The following SPOCK3 variants were observed in gnomAD, a reference collection of about 807,000 sequenced individuals.
SPOCK3 encodes SPARC (osteonectin), cwcv and kazal like domains proteoglycan 3, also known as testican-3.
SPOCK3 carries 30 observed loss-of-function variants against 56.6 expected under a neutral mutation model. The ratio of observed to expected loss-of-function variants is 0.53; its 90% CI spans 0.40 to 0.72. The LOEUF (loss-of-function observed/expected upper bound fraction) is 0.72. Ranked by LOEUF, SPOCK3 falls within the 30% of genes least tolerant of loss-of-function variation. The pLI is 0.00. For missense variants in SPOCK3, 527 were observed against 530.0 expected, an observed-to-expected ratio of 0.99 and a Z score of 0.06; for synonymous variants, 196 against 183.3, an observed-to-expected ratio of 1.07 and a Z score of -0.56.
At chr4:167,173,021 C>T (rs1730646300) in intron 2 of SPOCK3, among the ~76,000 whole-genome samples, 1 of 151,954 alleles carries the variant, frequency 6.6e-6, no homozygotes, top group South Asian at 2.1e-4. Context: ...AGCCATATGC[C>T]AATCAAATGT....
chr4:167,234,267 AACG>A, intron 1 of SPOCK3, 94 bp from the exon 2 acceptor site: 1 of 1,240,992 alleles, frequency 8.1e-7, no homozygotes. Context: ...ATGCATTAGC[AACG>A]ACGAGGGTAG....
intron 6 of SPOCK3, among the ~76,000 whole-genome samples, chr4:166,804,554 C>T (rs1452712418): frequency 6.6e-6 from 1 of 152,104 alleles, no homozygotes; most frequent in Admixed American, 6.6e-5. Flanking sequence ...CTAAAACTTG[C>T]ATTGTGAACA....
chr4:167,059,239 C>T (rs1291630545), intron 3 of SPOCK3, among the ~76,000 whole-genome samples: 3 of 152,058 alleles, frequency 2.0e-5, no homozygotes, highest in East Asian at 1.9e-4. Flanking sequence ...AGAAAATTTT[C>T]GCAACCTGCT....
At chr4:166,970,268 C>G (rs550876071) in intron 4 of SPOCK3, among the ~76,000 whole-genome samples, 14 of 152,050 alleles carry the variant, frequency 9.2e-5, no homozygotes, top group Non-Finnish European at 1.9e-4. Context: ...ATCTTCACAC[C>G]AGGCTGACTT....
rs1371426513 is a variant in SPOCK3 at position 167,234,186 on chromosome 4, A to G, written c.1-13T>C. Reference sequence around the variant, plus strand: ...ACACCTTGAGCATCTGGGAGAGGAGACACAACGGGGGGTGGGGGGGCATGT... The same window carrying G: ...ACACCTTGAGCATCTGGGAGAGGAGGCACAACGGGGGGTGGGGGGGCATGT... On this transcript the variant is annotated splice_polypyrimidine_tract_variant and intron_variant, in intron 1 of 10. Coordinates refer to ENST00000357545, the MANE Select transcript of SPOCK3 (RefSeq NM_001040159.2). 1.4e-6 allele frequency: 2 copies of G among 1,466,844 alleles called. No homozygotes were observed. Among genetic ancestry groups the G allele is most frequent in the Non-Finnish European group, 1.9e-6 (2 of 1,048,128 alleles). The allele number at this position is 1,466,844 out of a possible 1,614,324, so 90.9% of individuals were successfully genotyped here. A position where few individuals can be genotyped will look rare whatever the true frequency, so the allele number is the denominator to read the frequency against.
chr4:166,992,270 A>T (rs890707365), intron 4 of SPOCK3, among the ~76,000 whole-genome samples: 2 of 152,098 alleles, frequency 1.3e-5, no homozygotes, highest in Non-Finnish European at 2.9e-5. Context: ...TTTCCATCAT[A>T]TGGAGTTGTT....
At chr4:167,060,061 T>C (rs1755415162) in intron 3 of SPOCK3, among the ~76,000 whole-genome samples, 1 of 151,322 alleles carries the variant, frequency 6.6e-6, no homozygotes. Context: ...AAATGACGAG[T>C]TAATGGGTGC....
intron 2 of SPOCK3, among the ~76,000 whole-genome samples, chr4:167,205,408 A>C (rs1294201934): frequency 2.0e-5 from 1 of 49,084 alleles, no homozygotes; most frequent in South Asian, 5.0e-4. Flanking sequence ...ATAATATATT[A>C]TATATTAAAT....
chr4:167,202,897 A>AT (rs1733658728), intron 2 of SPOCK3, among the ~76,000 whole-genome samples: 2 of 151,734 alleles, frequency 1.3e-5, no homozygotes, highest in Non-Finnish European at 2.9e-5. Context: ...TTTAATAGTA[A>AT]TTTTTTCTCT....
At chr4:166,795,887 G>T (rs1741884010) in intron 6 of SPOCK3, among the ~76,000 whole-genome samples, 1 of 152,050 alleles carries the variant, frequency 6.6e-6, no homozygotes, top group Admixed American at 6.6e-5. Context: ...TGCTCCCCCA[G>T]ATTCATATGT....
intron 2 of SPOCK3, among the ~76,000 whole-genome samples, chr4:167,233,030 C>A (rs7657608): frequency 7.9e-5 from 12 of 151,970 alleles, no homozygotes; most frequent in African/African-American, 2.7e-4. Context: ...TGTCTAGGAA[C>A]CACTCTCGCT....
chr4:166,871,220 T>C (rs965535681), intron 6 of SPOCK3, among the ~76,000 whole-genome samples: 1 of 151,642 alleles, frequency 6.6e-6, no homozygotes, highest in African/African-American at 2.4e-5. Flanking sequence ...AAAACAGAAG[T>C]CAATGTAACT....
chr4:167,150,661 A>T (rs978488721), intron 2 of SPOCK3, among the ~76,000 whole-genome samples: 11 of 152,196 alleles, frequency 7.2e-5, no homozygotes, highest in African/African-American at 2.7e-4. Context: ...GTAATGGGAG[A>T]TGAATATTTG....
intron 6 of SPOCK3, among the ~76,000 whole-genome samples, chr4:166,812,234 T>C (rs1743906444): frequency 6.6e-6 from 1 of 151,918 alleles, no homozygotes; most frequent in Non-Finnish European, 1.5e-5. Context: ...AAGTATTTAT[T>C]CCATAATGAT....
intron 4 of SPOCK3, among the ~76,000 whole-genome samples, chr4:166,992,889 A>G (rs79973537): frequency 0.025 from 3,734 of 152,146 alleles, 167 homozygotes; most frequent in African/African-American, 0.085. Flanking sequence ...TGGCAGAGTA[A>G]CAGCTTATGT....
intron 4 of SPOCK3, among the ~76,000 whole-genome samples, chr4:166,919,716 T>C (rs1738277300): frequency 6.6e-6 from 1 of 152,182 alleles, no homozygotes. Context: ...TACCAGGAGT[T>C]ATAATGGACA....
chr4:166,894,615 G>A (rs942130481), intron 5 of SPOCK3, among the ~76,000 whole-genome samples: 4 of 152,168 alleles, frequency 2.6e-5, no homozygotes, highest in African/African-American at 4.8e-5. Flanking sequence ...GTAAGGACAC[G>A]ACAACCCAGG....
chr4:166,957,773 T>C (rs1404742878), intron 4 of SPOCK3, among the ~76,000 whole-genome samples: 1 of 152,212 alleles, frequency 6.6e-6, no homozygotes, highest in African/African-American at 2.4e-5. Context: ...TCTCTCTTTT[T>C]TGGCCAATTT....
chr4:167,055,681 C>G (rs1446129813), intron 3 of SPOCK3, among the ~76,000 whole-genome samples: 2 of 152,192 alleles, frequency 1.3e-5, no homozygotes, highest in South Asian at 2.1e-4. Flanking sequence ...GTCCTACGCC[C>G]ACGGAGTCTC....
Sources: allele counts gnomAD v4.1 joint callset (sites outside exome capture counted in the v4.1 genomes callset), GRCh38; gene constraint gnomAD v4.1.1; transcripts MANE v1.5; gene names NCBI Gene and HGNC (gene_info 2026-07-23, HGNC 2026-07-21).